TBC1D1: variants seen among roughly 807,000 people sequenced by gnomAD.
The protein encoded by TBC1D1 is TBC1 (tre-2/USP6, BUB2, cdc16) domain family, member 1.
In TBC1D1, 89 loss-of-function variants were observed where a neutral mutation model predicts 125.6. The observed-to-expected ratio is 0.71, with a 90% CI of 0.60 to 0.85. TBC1D1 has a LOEUF of 0.85. Ranked by LOEUF, TBC1D1 falls within the 40% of genes least tolerant of loss-of-function variation. The pLI is 0.00. For synonymous variants in TBC1D1, 565 were observed against 564.1 expected, an observed-to-expected ratio of 1.00 and a Z score of -0.02; for missense variants, 1,377 against 1,469.2, an observed-to-expected ratio of 0.94 and a Z score of 1.03.
chr4:37,964,308 T>C (rs920518805), intron 2 of TBC1D1, among the ~76,000 whole-genome samples: 5 of 152,210 alleles, frequency 3.3e-5, no homozygotes, highest in Non-Finnish European at 7.3e-5. Context: ...CTTCAGTGCA[T>C]GCACCACAGT....
intron 8 of TBC1D1, among the ~76,000 whole-genome samples, chr4:38,036,564 C>T (rs754866320): frequency 3.9e-5 from 6 of 152,182 alleles, no homozygotes; most frequent in Non-Finnish European, 7.4e-5. Flanking sequence ...CACTTGTGTG[C>T]TCAGTGGTGT....
At chr4:37,941,574 T>G (rs895027973) in intron 2 of TBC1D1, among the ~76,000 whole-genome samples, 3 of 152,224 alleles carry the variant, frequency 2.0e-5, no homozygotes, top group African/African-American at 7.2e-5. Flanking sequence ...AGCTTTTGAA[T>G]GTATTTGCTC....
intron 12 of TBC1D1, 127 bp from the exon 15 acceptor site, chr4:38,089,805 G>A (rs1358798606): frequency 9.7e-7 from 1 of 1,032,732 alleles, no homozygotes; most frequent in African/African-American, 1.6e-5. Context: ...ATTAACACAG[G>A]AATTTTAAAT....
chr4:37,983,483 C>G (rs983759408), intron 2 of TBC1D1, among the ~76,000 whole-genome samples: 1 of 152,080 alleles, frequency 6.6e-6, no homozygotes, highest in African/African-American at 2.4e-5. Context: ...CACACTGTGC[C>G]CAGCTTTTTC....
chr4:38,072,835 G>A (rs1271210633), intron 12 of TBC1D1, among the ~76,000 whole-genome samples: 1 of 152,128 alleles, frequency 6.6e-6, no homozygotes, highest in African/African-American at 2.4e-5. Context: ...TTTGACTACT[G>A]TAGATAACTC....
intron 12 of TBC1D1, among the ~76,000 whole-genome samples, chr4:38,079,729 A>C (rs1756227335): frequency 1.1e-5 from 1 of 87,066 alleles, no homozygotes; most frequent in Non-Finnish European, 2.2e-5. Context: ...ACTCCATCTC[A>C]AAAAAAAAAA....
intron 16 of TBC1D1, among the ~76,000 whole-genome samples, chr4:38,116,935 A>C (rs1763076687): frequency 6.6e-6 from 1 of 152,228 alleles, no homozygotes; most frequent in Admixed American, 6.5e-5. Flanking sequence ...GTGAACATGG[A>C]CCACGTGAAT....
chr4:38,051,968 T>C, intron 11 of TBC1D1: 4 of 1,550,752 alleles, frequency 2.6e-6, no homozygotes, highest in Non-Finnish European at 3.5e-6. Context: ...CTCCTCCACC[T>C]CGTCTTAACC....
chr4:38,132,802 GTT>G lies in TBC1D1; in HGVS notation c.3133-267_3133-266del, dbSNP rs61642658. On this transcript the variant is annotated intron_variant, in intron 18 of 19. Coordinates refer to ENST00000261439, the MANE Select transcript of TBC1D1 (RefSeq NM_015173.4). Reference sequence around the variant, plus strand: ...ATTTTTATGTCTTTAAAAATGAGAGGTTTTTTTTTTTTTTTTGGCTTTTGGAA... The same window carrying G: ...ATTTTTATGTCTTTAAAAATGAGAGGTTTTTTTTTTTTTTGGCTTTTGGAA... 5.1e-3 allele frequency: 844 copies of G among 165,898 alleles called. 2 individuals carry two copies. The highest frequency in any genetic ancestry group is 0.013 in the African/African-American group (494 of 37,230). 10.3% of individuals were successfully genotyped at this position (165,898 alleles called of 1,614,324 possible). A position where few individuals can be genotyped will look rare whatever the true frequency, so the allele number is the denominator to read the frequency against.
chr4:38,118,688 C>A (rs551200428), intron 17 of TBC1D1: 1 of 153,408 alleles, frequency 6.5e-6, no homozygotes, highest in Non-Finnish European at 1.5e-5. Flanking sequence ...GTGTCAGGAC[C>A]TTGAGTAACA....
intron 2 of TBC1D1, among the ~76,000 whole-genome samples, chr4:37,957,637 A>C (rs185000402): frequency 6.6e-6 from 1 of 152,282 alleles, no homozygotes; most frequent in East Asian, 1.9e-4. Flanking sequence ...CAAATAAATA[A>C]ATAATATAGA....
intron 2 of TBC1D1, among the ~76,000 whole-genome samples, chr4:37,964,771 C>T (rs1730753052): frequency 6.6e-6 from 1 of 152,256 alleles, no homozygotes; most frequent in Non-Finnish European, 1.5e-5. Flanking sequence ...CTTCCTACCT[C>T]ATTCGTTCAT....
intron 17 of TBC1D1, among the ~76,000 whole-genome samples, chr4:38,124,684 C>G (rs1279208588): frequency 6.6e-6 from 1 of 152,160 alleles, no homozygotes; most frequent in Admixed American, 6.5e-5. Flanking sequence ...GAAAAATAGA[C>G]TAATAAAACC....
rs1373928761 is a variant in TBC1D1 at position 37,905,413 on chromosome 4, C to T, written c.417+2901C>T. Among the ~76,000 whole-genome samples the T allele has an allele frequency of 1.2e-4, 19 of 152,268 alleles. No homozygotes were observed. The East Asian group carries it at 1.9e-3, about 15-fold the overall frequency. On this transcript the variant is annotated intron_variant, in intron 2 of 19. Coordinates refer to ENST00000261439, the MANE Select transcript of TBC1D1 (RefSeq NM_015173.4). ...ACATTATTAACTGGAGAAAAATTGG[C>T]GCTCTTTAAAGATTTTTTAAAATTG...
chr4:38,112,851 G>A (rs952092130), intron 15 of TBC1D1, among the ~76,000 whole-genome samples: 1 of 152,158 alleles, frequency 6.6e-6, no homozygotes, highest in African/African-American at 2.4e-5. Flanking sequence ...ACTGTGGATG[G>A]CCTGGCTCTG....
chr4:38,050,476 G>A (rs770645128), intron 11 of TBC1D1, among the ~76,000 whole-genome samples: 28 of 152,202 alleles, frequency 1.8e-4, no homozygotes, highest in Non-Finnish European at 3.2e-4. Flanking sequence ...CATTGTAATA[G>A]TTGGGTTCCT....
At chr4:37,958,034 T>G (rs1729245792) in intron 2 of TBC1D1, among the ~76,000 whole-genome samples, 1 of 152,264 alleles carries the variant, frequency 6.6e-6, no homozygotes, top group Non-Finnish European at 1.5e-5. Flanking sequence ...TTTGTTGATC[T>G]CTGCTTAGAA....
At chr4:38,024,532 C>T (rs995711993) in intron 6 of TBC1D1, among the ~76,000 whole-genome samples, 5 of 152,138 alleles carry the variant, frequency 3.3e-5, no homozygotes, top group African/African-American at 1.2e-4. Context: ...CTGATAAAAT[C>T]CAACCAAGGC....
At chr4:37,998,215 T>C (rs975988210) in intron 2 of TBC1D1, among the ~76,000 whole-genome samples, 4 of 152,184 alleles carry the variant, frequency 2.6e-5, no homozygotes, top group African/African-American at 9.7e-5. Context: ...ATGTATTCAC[T>C]CTGGGTGTGA....
Sources: gnomAD v4.1 joint callset for allele counts (sites outside exome capture counted in the v4.1 genomes callset) on GRCh38, gnomAD v4.1.1 for gene constraint, MANE v1.5 for transcripts, NCBI Gene and HGNC (gene_info 2026-07-23, HGNC 2026-07-21) for gene names.